The following LRRC4C variants were observed in gnomAD, a reference collection of about 807,000 sequenced individuals.
LRRC4C encodes leucine rich repeat containing 4C, also known as leucine-rich repeat-containing protein 4C.
In LRRC4C, 5 loss-of-function variants were observed where a neutral mutation model predicts 33.6. The ratio of observed to expected loss-of-function variants is 0.15; its 90% CI spans 0.08 to 0.31. LRRC4C has a LOEUF of 0.31. Ranked by LOEUF, LRRC4C falls within the 10% of genes least tolerant of loss-of-function variation. LRRC4C has a pLI of 1.00. For synonymous variants in LRRC4C, 329 were observed against 302.0 expected, an observed-to-expected ratio of 1.09 and a Z score of -0.93; for missense variants, 560 against 796.7, an observed-to-expected ratio of 0.70 and a Z score of 3.58.
intron 2 of LRRC4C, among the ~76,000 whole-genome samples, chr11:40,671,397 T>C (rs932833015): frequency 6.6e-5 from 10 of 152,194 alleles, no homozygotes; most frequent in Non-Finnish European, 1.3e-4. Context: ...CGTCAGAGTT[T>C]AGCCACAGAA....
At chr11:40,177,025 C>CACACCATTCTCCTGCCTCAGCCTCCCA (rs796678267) in intron 5 of LRRC4C, among the ~76,000 whole-genome samples, 29 of 137,092 alleles carry the variant, frequency 2.1e-4, no homozygotes, top group Non-Finnish European at 1.5e-4. Context: ...CTCCCAGGTT[C>CACACCATTCTCCTGCCTCAGCCTCCCA]ACACCATTCT....
intron 1 of LRRC4C, among the ~76,000 whole-genome samples, chr11:41,039,176 C>G (rs1395012931): frequency 6.6e-6 from 1 of 151,964 alleles, no homozygotes; most frequent in Non-Finnish European, 1.5e-5. Context: ...CCACAGGGGT[C>G]GTATATAACC....
At chr11:40,202,407 T>C (rs1326411255) in intron 5 of LRRC4C, among the ~76,000 whole-genome samples, 6 of 151,852 alleles carry the variant, frequency 4.0e-5, no homozygotes, top group Admixed American at 3.9e-4. Context: ...TGGTGTCAGG[T>C]GAAGGGAAAG....
intron 1 of LRRC4C, among the ~76,000 whole-genome samples, chr11:41,228,214 T>C (rs960025811): frequency 1.3e-5 from 2 of 152,204 alleles, no homozygotes; most frequent in South Asian, 4.1e-4. Flanking sequence ...TTCTTTGGGT[T>C]GGAGGTTCAA....
chr11:41,008,179 G>T (rs1854907093), intron 1 of LRRC4C, among the ~76,000 whole-genome samples: 1 of 151,970 alleles, frequency 6.6e-6, no homozygotes, highest in African/African-American at 2.4e-5. Flanking sequence ...TGCCTCAAAT[G>T]CTTTTCTTCT....
intron 1 of LRRC4C, among the ~76,000 whole-genome samples, chr11:41,159,299 A>C (rs72892655): frequency 6.6e-6 from 1 of 152,156 alleles, no homozygotes; most frequent in Non-Finnish European, 1.5e-5. Flanking sequence ...TCTAAAAAAA[A>C]TAAATACATA....
chr11:41,145,092 A>G (rs148689041), intron 1 of LRRC4C, among the ~76,000 whole-genome samples: 34 of 152,296 alleles, frequency 2.2e-4, no homozygotes, highest in African/African-American at 8.2e-4. Context: ...TAATACATTG[A>G]GCAAAGCATA....
intron 2 of LRRC4C, among the ~76,000 whole-genome samples, chr11:40,759,546 G>A (rs1280207920): frequency 1.3e-5 from 2 of 151,622 alleles, no homozygotes; most frequent in Admixed American, 6.6e-5. Flanking sequence ...AAGTAATTGC[G>A]GTTTTTGTCA....
At chr11:40,442,078 G>T (rs1951420994) in intron 3 of LRRC4C, among the ~76,000 whole-genome samples, 1 of 147,222 alleles carries the variant, frequency 6.8e-6, no homozygotes, top group Admixed American at 6.9e-5. Context: ...CAGGAGAACG[G>T]TGTGAACCCA....
intron 3 of LRRC4C, among the ~76,000 whole-genome samples, chr11:40,440,584 C>G (rs1179619518): frequency 6.6e-6 from 1 of 152,074 alleles, no homozygotes; most frequent in Non-Finnish European, 1.5e-5. Flanking sequence ...CATATTCATT[C>G]TCTATTGATA....
At chr11:40,423,817 G>T (rs1328489816) in intron 3 of LRRC4C, among the ~76,000 whole-genome samples, 1 of 152,100 alleles carries the variant, frequency 6.6e-6, no homozygotes, top group African/African-American at 2.4e-5. Context: ...GCAAAAATTA[G>T]TAAAAATCAG....
At chr11:41,184,319 T>C (rs190733502) in intron 1 of LRRC4C, among the ~76,000 whole-genome samples, 41 of 152,188 alleles carry the variant, frequency 2.7e-4, no homozygotes, top group Admixed American at 2.4e-3. Context: ...TCCACTTCCT[T>C]TATAAAACTG....
intron 2 of LRRC4C, among the ~76,000 whole-genome samples, chr11:40,917,811 G>T (rs1458934822): frequency 6.6e-6 from 1 of 152,044 alleles, no homozygotes; most frequent in African/African-American, 2.4e-5. Context: ...TGTCCCCTTG[G>T]CATTGTGAAG....
chr11:40,293,754 C>T (rs1283969459), intron 4 of LRRC4C: 2 of 152,186 alleles, frequency 1.3e-5, no homozygotes, highest in Non-Finnish European at 2.9e-5. Flanking sequence ...CATTTTGGAG[C>T]CACAAGTTGG....
At chr11:40,780,258 T>A (rs1436169539) in intron 2 of LRRC4C, among the ~76,000 whole-genome samples, 1 of 152,146 alleles carries the variant, frequency 6.6e-6, no homozygotes, top group Non-Finnish European at 1.5e-5. Context: ...TTTTAAAAAA[T>A]TATCACCTTA....
rs139609731 is a variant in LRRC4C at position 41,051,500 on chromosome 11, T to G, written c.-495-117777A>C. Among the ~76,000 whole-genome samples, 13 of 96,734 alleles carry G rather than the reference T, an allele frequency of 1.3e-4. No individual in the cohort carries two copies. The East Asian group carries it at 3.6e-3, about 26-fold the overall frequency. 63.5% of individuals were successfully genotyped at this position (96,734 alleles called of 152,430 possible). A position where few individuals can be genotyped will look rare whatever the true frequency, so the allele number is the denominator to read the frequency against. On this transcript the variant is annotated intron_variant, in intron 1 of 6. Transcript: ENST00000528697. ...ATTAAAAGACACATCTGGAACTCAG[T>G]CCCTCCCAGGGTCTCAAGGCAAAAA... is the stretch of plus-strand genomic sequence containing the variant.
At chr11:40,515,740 T>TGTACCCCAGAACTTAAAGTATAA (rs1955534701) in intron 3 of LRRC4C, among the ~76,000 whole-genome samples, 1 of 152,126 alleles carries the variant, frequency 6.6e-6, no homozygotes, top group African/African-American at 2.4e-5. Context: ...CCAACAATTA[T>TGTACCCCAGAACTTAAAGTATAA]TAAAAATCAG....
At chr11:40,899,039 T>C (rs900349641) in intron 2 of LRRC4C, among the ~76,000 whole-genome samples, 1 of 151,692 alleles carries the variant, frequency 6.6e-6, no homozygotes, top group African/African-American at 2.4e-5. Flanking sequence ...TTACTGTATT[T>C]AATCACATAC....
intron 3 of LRRC4C, among the ~76,000 whole-genome samples, chr11:40,516,456 G>A (rs1955563647): frequency 6.6e-6 from 1 of 152,026 alleles, no homozygotes; most frequent in Non-Finnish European, 1.5e-5. Context: ...AGGATGATGA[G>A]TGCCTCTGCT....
Sources: allele counts gnomAD v4.1 joint callset (sites outside exome capture counted in the v4.1 genomes callset), GRCh38; gene constraint gnomAD v4.1.1; transcripts MANE v1.5; gene names NCBI Gene and HGNC (gene_info 2026-07-23, HGNC 2026-07-21).